PRKACB: variants seen among roughly 807,000 people sequenced by gnomAD.
PRKACB encodes protein kinase cAMP-activated catalytic subunit beta, also known as cAMP-dependent protein kinase catalytic subunit beta.
In PRKACB, 16 loss-of-function variants were observed where a neutral mutation model predicts 51.4. The ratio of observed to expected loss-of-function variants is 0.31; its 90% CI spans 0.21 to 0.47. The LOEUF (loss-of-function observed/expected upper bound fraction) is 0.47, where lower values mean the gene tolerates loss of function less well. PRKACB is among the 20% of genes least tolerant of loss of function. The pLI is 1.00. For synonymous variants in PRKACB, 147 were observed against 154.4 expected (o/e 0.95, Z 0.35); for missense variants, 309 against 464.5 (o/e 0.67, Z 3.08).
chr1:84,095,090 C>T (rs1042072586), intron 1 of PRKACB, among the ~76,000 whole-genome samples: 2 of 151,884 alleles, frequency 1.3e-5, no homozygotes, highest in African/African-American at 2.4e-5. Context: ...TATGTAAGTG[C>T]ACTCTATGAT....
intron 1 of PRKACB, among the ~76,000 whole-genome samples, chr1:84,105,449 A>G (rs1314474025): frequency 2.6e-5 from 4 of 152,340 alleles, no homozygotes; most frequent in African/African-American, 7.2e-5. Context: ...TAAGAAGGTG[A>G]AAATTTTCCA....
At chr1:84,183,946 A>C in intron 3 of PRKACB, 91 bp from the exon 4 acceptor site, 1 of 1,305,764 alleles carries the variant, frequency 7.7e-7, no homozygotes, top group Non-Finnish European at 1.0e-6. Flanking sequence ...TTGCTTATCC[A>C]AGTTTATTAC....
upstream of PRKACB, among the ~76,000 whole-genome samples, chr1:84,143,105 T>C (rs529037074): frequency 1.1e-4 from 17 of 152,266 alleles, no homozygotes; most frequent in East Asian, 3.3e-3. Flanking sequence ...ACAGGTTACT[T>C]TCTTTCCTGA....
chr1:84,232,014 G>A (rs1675769292), intron 9 of PRKACB, among the ~76,000 whole-genome samples: 1 of 151,104 alleles, frequency 6.6e-6, no homozygotes, highest in South Asian at 2.1e-4. Context: ...TGTGATGTTA[G>A]GGTGTCAATT....
intron 1 of PRKACB, among the ~76,000 whole-genome samples, chr1:84,094,125 G>A (rs11806729): frequency 1.5e-3 from 229 of 152,010 alleles, no homozygotes; most frequent in African/African-American, 5.2e-3. Flanking sequence ...TTGCAATACA[G>A]TAGTACATAG....
intron 1 of PRKACB, among the ~76,000 whole-genome samples, chr1:84,095,992 T>G (rs1003559192): frequency 6.6e-6 from 1 of 152,102 alleles, no homozygotes; most frequent in African/African-American, 2.4e-5. Context: ...TCTTATCTTT[T>G]GGCATGCCTA....
intron 9 of PRKACB, among the ~76,000 whole-genome samples, chr1:84,218,127 G>A (rs1323936384): frequency 2.0e-5 from 3 of 152,050 alleles, no homozygotes; most frequent in African/African-American, 4.8e-5. Context: ...TACCTTGATC[G>A]TTTATTGTTT....
At chr1:84,196,544 T>G in intron 5 of PRKACB, 72 bp from the exon 6 acceptor site, 1 of 1,460,530 alleles carries the variant, frequency 6.8e-7, no homozygotes. Flanking sequence ...ATATTAGTTT[T>G]TATGCATAAT....
At chr1:84,117,147 G>A (rs1650699851) in intron 1 of PRKACB, among the ~76,000 whole-genome samples, 5 of 151,988 alleles carry the variant, frequency 3.3e-5, no homozygotes, top group East Asian at 1.9e-4. Context: ...TTGCATTCCC[G>A]GAATGAATCC....
At chr1:84,219,400 T>C (rs1241067291) in intron 9 of PRKACB, among the ~76,000 whole-genome samples, 1 of 151,920 alleles carries the variant, frequency 6.6e-6, no homozygotes, top group African/African-American at 2.4e-5. Context: ...AATTTTTGTA[T>C]TTTTAGTAAA....
At chr1:84,130,255 TC>T (rs1652052777) in intron 1 of PRKACB, among the ~76,000 whole-genome samples, 8 of 131,936 alleles carry the variant, frequency 6.1e-5, no homozygotes, top group Admixed American at 3.7e-4. Flanking sequence ...TGTAAGGAAA[TC>T]CCTGGTGACA....
intron 1 of PRKACB, chr1:84,086,223 T>C: frequency 6.3e-7 from 1 of 1,593,876 alleles, no homozygotes; most frequent in Non-Finnish European, 8.6e-7. Context: ...CTGAAGAAGC[T>C]GATTGGCTGA....
upstream of PRKACB, among the ~76,000 whole-genome samples, chr1:84,142,359 T>C (rs1423699304): frequency 6.6e-6 from 1 of 152,188 alleles, no homozygotes; most frequent in Non-Finnish European, 1.5e-5. Flanking sequence ...TTTCCTTCAG[T>C]AGAGCAAATC....
intron 1 of PRKACB, among the ~76,000 whole-genome samples, chr1:84,084,461 A>T (rs533589285): frequency 6.6e-6 from 1 of 152,228 alleles, no homozygotes; most frequent in African/African-American, 2.4e-5. Context: ...ACATGATACA[A>T]TTTGGGTTTA....
intron 9 of PRKACB, among the ~76,000 whole-genome samples, chr1:84,214,591 C>G (rs369840482): frequency 8.7e-5 from 13 of 150,284 alleles, no homozygotes; most frequent in African/African-American, 2.7e-4. Context: ...CACCTCAGTT[C>G]AAGTGATTCT....
intron 5 of PRKACB, 32 bp downstream of exon 5, chr1:84,185,214 T>C: frequency 1.4e-6 from 2 of 1,409,094 alleles, no homozygotes; most frequent in Non-Finnish European, 1.9e-6. Context: ...TTCAAATCTT[T>C]ATATGCTTGT....
In PRKACB at chr1:84,209,593, A is replaced by G. The variant is rs533093508; in HGVS notation, c.907-4560A>G. 5.3e-4 allele frequency among the ~76,000 whole-genome samples: 81 copies of G among 152,316 alleles called. 1 individual carries two copies. The South Asian group carries it at 0.017, about 31-fold the overall frequency. On this transcript the variant is annotated intron_variant, in intron 8 of 9. Transcript: ENST00000370685. ...ACTAGAGTGGTTCCTTAAAAATGTTAAATAATATCCTATTATTCTTTTCAA... is the reference window on the plus strand; with the variant it reads ...ACTAGAGTGGTTCCTTAAAAATGTTGAATAATATCCTATTATTCTTTTCAA...
chr1:84,183,201 C>T (rs1227341595), intron 3 of PRKACB, among the ~76,000 whole-genome samples: 1 of 151,946 alleles, frequency 6.6e-6, no homozygotes, highest in Non-Finnish European at 1.5e-5. Context: ...ATGATTTACA[C>T]ATATACAAGA....
intron 1 of PRKACB, among the ~76,000 whole-genome samples, chr1:84,091,915 T>A (rs1223398825): frequency 1.3e-5 from 2 of 152,182 alleles, no homozygotes; most frequent in African/African-American, 4.8e-5. Flanking sequence ...CTTCAAATGT[T>A]TTTTCGCAGT....
Sources: allele counts gnomAD v4.1 joint callset (sites outside exome capture counted in the v4.1 genomes callset), GRCh38; gene constraint gnomAD v4.1.1; transcripts MANE v1.5; gene names NCBI Gene and HGNC (gene_info 2026-07-23, HGNC 2026-07-21).